Variants in ZNF600 observed in about 807,000 individuals in gnomAD.
The protein encoded by ZNF600 is zinc finger protein 600.
Under a neutral mutation model 7.3 loss-of-function variants are expected in ZNF600, and 4 were observed. The observed-to-expected ratio is 0.55, with a 90% CI of 0.27 to 1.25. The LOEUF (loss-of-function observed/expected upper bound fraction) is 1.25. ZNF600 is among the 50% of genes most tolerant of loss of function. The pLI, the probability that ZNF600 is intolerant of heterozygous loss-of-function variation, is 0.12. For synonymous variants in ZNF600, 290 were observed against 308.9 expected, an observed-to-expected ratio of 0.94 and a Z score of 0.64; for missense variants, 911 against 922.1, an observed-to-expected ratio of 0.99 and a Z score of 0.16.
the ZNF600 span, among the ~76,000 whole-genome samples, chr19:52,792,574 C>G: frequency 1.3e-5 from 2 of 151,974 alleles, no homozygotes; most frequent in African/African-American, 2.4e-5. Flanking sequence ...AAAAGAAACT[C>G]AAAAGATTGC....
At chr19:52,772,925 C>T (rs1352467383) in intron 3 of ZNF600, among the ~76,000 whole-genome samples, 1 of 152,234 alleles carries the variant, frequency 6.6e-6, no homozygotes, top group Non-Finnish European at 1.5e-5. Context: ...AGCCATCCCT[C>T]ATGGATCATG....
At chr19:52,813,997 T>C in the ZNF600 span, among the ~76,000 whole-genome samples, 2 of 146,370 alleles carry the variant, frequency 1.4e-5, no homozygotes, top group Non-Finnish European at 1.5e-5. Context: ...AATAAAGTTG[T>C]TTTTGAAAAT....
intron 1 of ZNF600, among the ~76,000 whole-genome samples, chr19:52,782,276 C>A (rs2062728775): frequency 6.6e-6 from 1 of 152,068 alleles, no homozygotes; most frequent in Non-Finnish European, 1.5e-5. Context: ...GTAATCACAG[C>A]ACCTTGGGAA....
At chr19:52,791,983 T>C in the ZNF600 span, among the ~76,000 whole-genome samples, 1 of 152,232 alleles carries the variant, frequency 6.6e-6, no homozygotes, top group African/African-American at 2.4e-5. Context: ...GACAAGCACC[T>C]GCGCCACTGC....
At chr19:52,771,486 T>G (rs1224606844) in intron 3 of ZNF600, among the ~76,000 whole-genome samples, 1 of 151,690 alleles carries the variant, frequency 6.6e-6, no homozygotes, top group African/African-American at 2.4e-5. Flanking sequence ...GCTAATTTTT[T>G]TTTTGGAAAC....
At chr19:52,787,401 CTTTTTTTTTT>C (rs1167453014), upstream of ZNF600, among the ~76,000 whole-genome samples, 2 of 114,834 alleles carry the variant, frequency 1.7e-5, no homozygotes, top group African/African-American at 6.8e-5. Flanking sequence ...CGCTCTTTTA[CTTTTTTTTTT>C]TTTTTTTTTT....
intron 2 of ZNF600, among the ~76,000 whole-genome samples, chr19:52,778,600 G>A (rs772822230): frequency 1.3e-5 from 2 of 152,142 alleles, no homozygotes; most frequent in Non-Finnish European, 2.9e-5. Flanking sequence ...CTAGGTGTGA[G>A]CCCTTCCCAG....
At chr19:52,818,230 G>A in the ZNF600 span, among the ~76,000 whole-genome samples, 2 of 152,154 alleles carry the variant, frequency 1.3e-5, no homozygotes, top group Non-Finnish European at 2.9e-5. Flanking sequence ...CAGCAGTGGG[G>A]AGCTGGGCTG....
chr19:52,787,793 G>C (rs2062777833), upstream of ZNF600, among the ~76,000 whole-genome samples: 1 of 148,418 alleles, frequency 6.7e-6, no homozygotes, highest in African/African-American at 2.5e-5. Context: ...CCGGGAGGCG[G>C]AGCGTGCAGT....
At chr19:52,792,146 A>T in the ZNF600 span, among the ~76,000 whole-genome samples, 1,202 of 152,340 alleles carry the variant, frequency 7.9e-3, 13 homozygotes, top group Admixed American at 0.035. Flanking sequence ...CCCCACGTTC[A>T]GGCTCTGCCC....
chr19:52,809,177 G>T, the ZNF600 span, among the ~76,000 whole-genome samples: 1 of 152,150 alleles, frequency 6.6e-6, no homozygotes, highest in Non-Finnish European at 1.5e-5. Flanking sequence ...TAAGAAAATG[G>T]AAATGCCCCA....
chr19:52,780,556 T>A (rs1313218315), intron 1 of ZNF600, 25 bp downstream of exon 3: 3 of 150,436 alleles, frequency 2.0e-5, no homozygotes, highest in Non-Finnish European at 4.4e-5. Flanking sequence ...TAGGAACATG[T>A]CTTCAAACAT....
chr19:52,796,926 A>G, the ZNF600 span, among the ~76,000 whole-genome samples: 1 of 152,202 alleles, frequency 6.6e-6, no homozygotes, highest in Admixed American at 6.5e-5. Context: ...TTTTGGTGCA[A>G]AAAATGTGAC....
chr19:52,792,888 A>C, the ZNF600 span, among the ~76,000 whole-genome samples: 2 of 150,418 alleles, frequency 1.3e-5, no homozygotes, highest in African/African-American at 4.9e-5. Context: ...GCCCACCGCC[A>C]CGCCCAACTA....
intron 1 of ZNF600, among the ~76,000 whole-genome samples, chr19:52,782,214 A>T (rs1368624426): frequency 6.6e-6 from 1 of 152,018 alleles, no homozygotes; most frequent in Non-Finnish European, 1.5e-5. Context: ...GACAGCAGTA[A>T]GAGTGTCTCA....
At chr19:52,809,950 G>A in the ZNF600 span, 8 of 833,336 alleles carry the variant, frequency 9.6e-6, no homozygotes, top group Admixed American at 1.0e-4. Context: ...GCCCCGGGGG[G>A]CGCAGGGGAC....
At chr19:52,819,509 A>G in the ZNF600 span, among the ~76,000 whole-genome samples, 15 of 77,994 alleles carry the variant, frequency 1.9e-4, 5 homozygotes, top group African/African-American at 7.1e-4. Context: ...CTATTTTGCC[A>G]ATCATTTCAG....
At chr19:52,815,458 A>G in the ZNF600 span, among the ~76,000 whole-genome samples, 2 of 145,834 alleles carry the variant, frequency 1.4e-5, 1 homozygote, top group Non-Finnish European at 3.0e-5. Context: ...TAGAGGTTGC[A>G]GTGAGCCGAG....
chr19:52,792,802 G>A, the ZNF600 span, among the ~76,000 whole-genome samples: 1 of 150,924 alleles, frequency 6.6e-6, no homozygotes, highest in Non-Finnish European at 1.5e-5. Context: ...TTAGGATCTC[G>A]GCTCACTGCA....
Sources: gnomAD v4.1 joint callset for allele counts (sites outside exome capture counted in the v4.1 genomes callset) on GRCh38, gnomAD v4.1.1 for gene constraint, MANE v1.5 for transcripts, NCBI Gene and HGNC (gene_info 2026-07-23, HGNC 2026-07-21) for gene names.